The following SPATS2 variants were observed in gnomAD, a reference collection of about 807,000 sequenced individuals.
The protein encoded by SPATS2 is spermatogenesis associated serine rich 2, also known as spermatogenesis-associated serine-rich protein 2.
In SPATS2, 38 loss-of-function variants were observed where a neutral mutation model predicts 63.7. That is an observed-to-expected ratio of 0.60 (90% CI 0.46 to 0.78). The LOEUF is 0.78. SPATS2 is among the 30% of genes least tolerant of loss of function. The probability of loss-of-function intolerance (pLI) is 0.00; values close to 1 mark genes in which losing one functional copy is unlikely to be tolerated. For synonymous variants in SPATS2, 207 were observed against 232.9 expected, an observed-to-expected ratio of 0.89 and a Z score of 1.01; for missense variants, 588 against 666.2, an observed-to-expected ratio of 0.88 and a Z score of 1.29.
At chr12:49,378,174 T>C (rs2137171048) in intron 2 of SPATS2, among the ~76,000 whole-genome samples, 2 of 152,286 alleles carry the variant, frequency 1.3e-5, no homozygotes, top group East Asian at 3.9e-4. Flanking sequence ...GGTTTCACCA[T>C]GTTGGCCAGG....
At chr12:49,383,385 GAAATTTTTTTAT>G (rs1306851415) in intron 2 of SPATS2, among the ~76,000 whole-genome samples, 2 of 151,614 alleles carry the variant, frequency 1.3e-5, no homozygotes, top group African/African-American at 4.8e-5. Flanking sequence ...ATGTGTCTTG[GAAATTTTTTTAT>G]GTCAGATCCT....
intron 2 of SPATS2, among the ~76,000 whole-genome samples, chr12:49,396,346 T>C (rs1236261060): frequency 1.3e-5 from 2 of 152,208 alleles, no homozygotes; most frequent in Non-Finnish European, 2.9e-5. Context: ...GGTTTTAGCA[T>C]CTCCTTGTCT....
At chr12:49,510,915 T>C (rs1946741813) in intron 9 of SPATS2, among the ~76,000 whole-genome samples, 1 of 152,186 alleles carries the variant, frequency 6.6e-6, no homozygotes. Flanking sequence ...AACTAAATTA[T>C]GCAAAAGCTT....
At chr12:49,386,103 A>G (rs1188088996) in intron 2 of SPATS2, among the ~76,000 whole-genome samples, 1 of 146,296 alleles carries the variant, frequency 6.8e-6, no homozygotes, top group Admixed American at 6.8e-5. Flanking sequence ...TCCTGACCGC[A>G]AGTGATCCGC....
intron 2 of SPATS2, chr12:49,390,166 AG>A (rs1944395463): frequency 3.3e-6 from 5 of 1,502,062 alleles, no homozygotes; most frequent in Non-Finnish European, 4.5e-6. Context: ...GAAGAGCTGA[AG>A]AGCTTCTGAG....
intron 2 of SPATS2, among the ~76,000 whole-genome samples, chr12:49,414,579 A>T (rs1012583882): frequency 2.0e-5 from 3 of 151,968 alleles, no homozygotes; most frequent in African/African-American, 7.3e-5. Flanking sequence ...TCTGCTTTGG[A>T]TTTGATCTTT....
chr12:49,499,882 C>A (rs945121348), intron 8 of SPATS2, among the ~76,000 whole-genome samples, 188 bp from the exon 9 acceptor site: 1 of 152,028 alleles, frequency 6.6e-6, no homozygotes, highest in Non-Finnish European at 1.5e-5. Context: ...TATTATTATT[C>A]CATCTTGACC....
chr12:49,460,746 G>A, intron 2 of SPATS2, 24 bp from the exon 3 acceptor site: 2 of 502,802 alleles, frequency 4.0e-6, no homozygotes, highest in South Asian at 4.7e-5. Context: ...AATAGTATAT[G>A]TGTGTTTGTG....
At chr12:49,423,257 C>T (rs1305761857) in intron 2 of SPATS2, among the ~76,000 whole-genome samples, 1 of 151,866 alleles carries the variant, frequency 6.6e-6, no homozygotes, top group East Asian at 1.9e-4. Flanking sequence ...CTCAGCCTCC[C>T]GAGTAGCCAG....
In SPATS2 at chr12:49,482,002, G is replaced by A. The variant is rs372054203; in HGVS notation, c.26-2588G>A. ...AAAAAATAAGTTTAAAAATCACTAAGTATTGATGGGAATTAAAAATTACTT... is the reference window on the plus strand; with the variant it reads ...AAAAAATAAGTTTAAAAATCACTAAATATTGATGGGAATTAAAAATTACTT... On this transcript the variant is annotated intron_variant, in intron 3 of 13. Coordinates refer to ENST00000552918, the MANE Select transcript of SPATS2 (RefSeq NM_023071.4). 4.7e-4 allele frequency among the ~76,000 whole-genome samples: 72 copies of A among 152,204 alleles called. No individual in the cohort carries two copies. In the South Asian group the frequency reaches 0.012, roughly 26 times the overall value.
intron 2 of SPATS2, among the ~76,000 whole-genome samples, chr12:49,438,372 G>C (rs1306225755): frequency 6.6e-6 from 1 of 152,036 alleles, no homozygotes; most frequent in Non-Finnish European, 1.5e-5. Context: ...TTACCAGATT[G>C]GGCTATTATG....
chr12:49,472,982 C>T (rs1276465111), intron 3 of SPATS2, among the ~76,000 whole-genome samples: 1 of 148,216 alleles, frequency 6.7e-6, no homozygotes, highest in Non-Finnish European at 1.5e-5. Flanking sequence ...CCCGGGTAGT[C>T]GAGGCTGCAG....
chr12:49,446,631 T>G, intron 2 of SPATS2, among the ~76,000 whole-genome samples: 1 of 152,168 alleles, frequency 6.6e-6, no homozygotes, highest in South Asian at 2.1e-4. Context: ...GCTTCAAATC[T>G]GTCTTTCCCC....
chr12:49,470,720 C>G (rs1312273205), intron 3 of SPATS2, among the ~76,000 whole-genome samples: 1 of 152,120 alleles, frequency 6.6e-6, no homozygotes, highest in African/African-American at 2.4e-5. Context: ...GAGTGTGTCC[C>G]AACCACCTAG....
At chr12:49,390,520 T>C (rs1393803381) in intron 2 of SPATS2, among the ~76,000 whole-genome samples, 1 of 152,216 alleles carries the variant, frequency 6.6e-6, no homozygotes, top group Non-Finnish European at 1.5e-5. Flanking sequence ...TTTAAAAATA[T>C]AAAGTTTTGC....
intron 9 of SPATS2, among the ~76,000 whole-genome samples, chr12:49,510,352 A>C (rs1250378667): frequency 6.6e-6 from 1 of 151,848 alleles, no homozygotes; most frequent in Non-Finnish European, 1.5e-5. Flanking sequence ...GCTTGAGCTC[A>C]GGAGTTTGAG....
intron 2 of SPATS2, among the ~76,000 whole-genome samples, chr12:49,421,459 T>C (rs1186654027): frequency 6.9e-6 from 1 of 144,876 alleles, no homozygotes; most frequent in Non-Finnish European, 1.5e-5. Context: ...TTTGCACTGC[T>C]ACCACTTATC....
Position 49,496,917 on chromosome 12 carries a change from A to G in SPATS2, c.611A>G (p.Asn204Ser). The stretch of plus-strand genomic sequence containing the variant: ...ATTCACAATTCTCAACAACCCAGGA[A>G]TGCTGCCAAATCTCTCTCAAGACCT... The part of the protein sequence containing the change: ...HSIHNSQQPR[N>S]AAKSLSRPTT... Residue 204 changes from asparagine (N) to serine (S), a missense_variant, in exon 8 of 14, where the codon AAT (asparagine) becomes AGT (serine). Coordinates refer to ENST00000552918, the MANE Select transcript of SPATS2 (RefSeq NM_023071.4). 1 of 1,613,298 alleles carries G rather than the reference A, an allele frequency of 6.2e-7. No homozygotes were observed. Among genetic ancestry groups the G allele is most frequent in the Non-Finnish European group, 8.5e-7 (1 of 1,179,770 alleles).
Position 49,494,802 on chromosome 12 carries a change from C to T in SPATS2, c.326C>T (p.Ser109Phe), listed in dbSNP as rs1424576567. ...GAACCAAGTAACGGCATCCCAGATT[C>T]CAGTAAATCAGTTTCCATTCAAGAG... ...AAEPSNGIPD[S>F]SKSVSIQEEQ... is the part of the protein sequence containing the mutation. The change falls in exon 7 of 14, where the codon TCC becomes TTC. Residue 109 changes from serine to phenylalanine, a missense_variant. Ser to Phe is a radical substitution (Grantham distance 155). Coordinates refer to ENST00000552918, the MANE Select transcript of SPATS2 (RefSeq NM_023071.4). 3.1e-6 allele frequency: 5 copies of T among 1,612,784 alleles called. No individual in the cohort carries two copies. Among genetic ancestry groups the T allele is most frequent in the African/African-American group, 1.3e-5 (1 of 74,822 alleles).
Sources: gnomAD v4.1 joint callset for allele counts (sites outside exome capture counted in the v4.1 genomes callset) on GRCh38, gnomAD v4.1.1 for gene constraint, MANE v1.5 for transcripts, NCBI Gene and HGNC (gene_info 2026-07-23, HGNC 2026-07-21) for gene names.